The following NEGR1 variants were observed in gnomAD, a reference collection of about 807,000 sequenced individuals.
NEGR1 encodes the protein IgLON family member 4.
Under a neutral mutation model 40.9 loss-of-function variants are expected in NEGR1, and 10 were observed. That is an observed-to-expected ratio of 0.24 (90% CI 0.15 to 0.42). The LOEUF (loss-of-function observed/expected upper bound fraction) is 0.42. Among genes scored for constraint, NEGR1 ranks in the 10% least tolerant of loss-of-function variants. NEGR1 has a pLI of 1.00. For synonymous variants in NEGR1, 185 were observed against 166.8 expected, an observed-to-expected ratio of 1.11 and a Z score of -0.84; for missense variants, 352 against 438.9, an observed-to-expected ratio of 0.80 and a Z score of 1.77.
chr1:71,592,607 T>C (rs559809859), intron 6 of NEGR1, among the ~76,000 whole-genome samples: 1 of 152,328 alleles, frequency 6.6e-6, no homozygotes, highest in African/African-American at 2.4e-5. Flanking sequence ...TTTAAACACA[T>C]GTCGACTTCT....
At chr1:71,734,812 T>G (rs902776649) in intron 3 of NEGR1, among the ~76,000 whole-genome samples, 2 of 152,174 alleles carry the variant, frequency 1.3e-5, no homozygotes, top group African/African-American at 4.8e-5. Flanking sequence ...CGAGTCATTG[T>G]CTTGCCATTG....
chr1:71,996,018 A>T (rs959536350), intron 1 of NEGR1, among the ~76,000 whole-genome samples: 4 of 152,158 alleles, frequency 2.6e-5, no homozygotes, highest in African/African-American at 2.4e-5. Flanking sequence ...CTGAAATTAC[A>T]AAAAGAGGAA....
At position 71,401,307 on chromosome 1, in the gene NEGR1, C is replaced by A. The variant is rs1444321459; in HGVS notation, c.*6139G>T. On this transcript the variant is annotated 3_prime_UTR_variant, in exon 7 of 7. Transcript: ENST00000357731. ...GAAGCCAGTTTTGCCTCTATTAGTA[C>A]ATTAATTTCAAGGTTTTTGATCTAT... 2.6e-5 allele frequency: 4 copies of A among 152,144 alleles called. No homozygotes were observed. Among genetic ancestry groups the A allele is most frequent in the Admixed American group, 2.6e-4 (4 of 15,276 alleles). 9.4% of individuals were successfully genotyped at this position (152,144 alleles called of 1,614,324 possible).
intron 6 of NEGR1, among the ~76,000 whole-genome samples, chr1:71,565,761 C>G (rs1648598531): frequency 6.6e-6 from 1 of 152,082 alleles, no homozygotes; most frequent in African/African-American, 2.4e-5. Flanking sequence ...ATCAGTGGAA[C>G]CAGACTAGGT....
chr1:72,214,197 A>G (rs1413924514), intron 1 of NEGR1, among the ~76,000 whole-genome samples: 3 of 151,942 alleles, frequency 2.0e-5, no homozygotes, highest in African/African-American at 7.2e-5. Context: ...AATAAACTAT[A>G]TATTGATGGA....
intron 6 of NEGR1, 147 bp from the exon 7 acceptor site, chr1:71,407,717 A>T (rs1438515155): frequency 1.5e-6 from 1 of 676,168 alleles, no homozygotes; most frequent in Non-Finnish European, 2.5e-6. Context: ...CTGCTATATG[A>T]CAACGTGTGG....
At chr1:71,425,193 A>G (rs1309174079) in intron 6 of NEGR1, among the ~76,000 whole-genome samples, 3 of 152,146 alleles carry the variant, frequency 2.0e-5, no homozygotes, top group Non-Finnish European at 4.4e-5. Flanking sequence ...AGTATTTCAC[A>G]GTGGGCTGGA....
chr1:71,412,683 C>G (rs946670090), intron 6 of NEGR1, among the ~76,000 whole-genome samples: 6 of 151,996 alleles, frequency 3.9e-5, no homozygotes, highest in Admixed American at 2.6e-4. Context: ...TGAAATTGTT[C>G]TATTTCTTTC....
chr1:72,100,107 T>G (rs929642631), intron 1 of NEGR1, among the ~76,000 whole-genome samples: 4 of 152,146 alleles, frequency 2.6e-5, no homozygotes, highest in African/African-American at 9.6e-5. Flanking sequence ...CTTTTTAAAA[T>G]GCACTTGTAA....
chr1:71,602,552 C>T (rs1649961210), intron 5 of NEGR1, among the ~76,000 whole-genome samples: 1 of 152,120 alleles, frequency 6.6e-6, no homozygotes. Context: ...CGCCCGGCCG[C>T]CCATGATTAT....
chr1:72,043,745 A>G (rs887533663), intron 1 of NEGR1, among the ~76,000 whole-genome samples: 4 of 151,880 alleles, frequency 2.6e-5, no homozygotes, highest in Non-Finnish European at 4.4e-5. Flanking sequence ...ACTTTGGACT[A>G]AAGGTGTCAC....
intron 2 of NEGR1, among the ~76,000 whole-genome samples, chr1:71,808,342 T>C (rs1420023416): frequency 6.6e-6 from 1 of 152,190 alleles, no homozygotes; most frequent in Non-Finnish European, 1.5e-5. Flanking sequence ...CTCAAAATAG[T>C]CCCTCGCCCT....
At chr1:71,662,687 GAATATATATAT>G (rs951868593) in intron 4 of NEGR1, among the ~76,000 whole-genome samples, 3 of 150,876 alleles carry the variant, frequency 2.0e-5, no homozygotes, top group African/African-American at 7.3e-5. Context: ...ATACAATCAA[GAATATATATAT>G]AATATTATAA....
chr1:72,060,608 C>T (rs967315051), intron 1 of NEGR1, among the ~76,000 whole-genome samples: 4 of 151,618 alleles, frequency 2.6e-5, no homozygotes, highest in East Asian at 1.9e-4. Flanking sequence ...AGAGTTAATA[C>T]GATAAGCTCT....
At chr1:71,470,880 C>T (rs1266543526) in intron 6 of NEGR1, among the ~76,000 whole-genome samples, 1 of 152,088 alleles carries the variant, frequency 6.6e-6, no homozygotes, top group African/African-American at 2.4e-5. Context: ...CTACCACTAC[C>T]AACCCACCCA....
At chr1:71,900,716 T>G (rs1279291768) in intron 2 of NEGR1, among the ~76,000 whole-genome samples, 1 of 152,182 alleles carries the variant, frequency 6.6e-6, no homozygotes, top group Non-Finnish European at 1.5e-5. Flanking sequence ...CAATGATAGA[T>G]GCTAGAAATG....
chr1:72,124,871 A>G (rs1649948975), intron 1 of NEGR1, among the ~76,000 whole-genome samples: 1 of 152,112 alleles, frequency 6.6e-6, no homozygotes, highest in Non-Finnish European at 1.5e-5. Flanking sequence ...AAAGTCACCT[A>G]TATGATTTTA....
At chr1:71,567,857 C>A (rs1648670655) in intron 6 of NEGR1, among the ~76,000 whole-genome samples, 1 of 151,152 alleles carries the variant, frequency 6.6e-6, no homozygotes, top group Non-Finnish European at 1.5e-5. Context: ...ATAAGATAGA[C>A]CCCAGGGAAT....
At chr1:71,810,793 C>T (rs1387606589) in intron 2 of NEGR1, among the ~76,000 whole-genome samples, 2 of 152,092 alleles carry the variant, frequency 1.3e-5, no homozygotes, top group Admixed American at 1.3e-4. Flanking sequence ...CCTGCTTCCT[C>T]TTTGCCTTCC....
Sources: gnomAD v4.1 joint callset for allele counts (sites outside exome capture counted in the v4.1 genomes callset) on GRCh38, gnomAD v4.1.1 for gene constraint, MANE v1.5 for transcripts, NCBI Gene and HGNC (gene_info 2026-07-23, HGNC 2026-07-21) for gene names.